The following FRMD4A variants were observed in gnomAD, a reference collection of about 807,000 sequenced individuals.
FRMD4A encodes the protein FERM domain-containing protein 4A.
Under a neutral mutation model 129.1 loss-of-function variants are expected in FRMD4A, and 29 were observed. The ratio of observed to expected loss-of-function variants is 0.22; its 90% CI spans 0.17 to 0.31. The LOEUF is 0.31. FRMD4A is among the 10% of genes least tolerant of loss of function. The pLI, the probability that FRMD4A is intolerant of heterozygous loss-of-function variation, is 1.00. For missense variants in FRMD4A, 1,272 were observed against 1,375.8 expected (o/e 0.92, Z 1.19); for synonymous variants, 634 against 571.6 (o/e 1.11, Z -1.56).
At chr10:13,973,061 A>T (rs2095526770) in intron 2 of FRMD4A, among the ~76,000 whole-genome samples, 1 of 152,232 alleles carries the variant, frequency 6.6e-6, no homozygotes, top group Non-Finnish European at 1.5e-5. Context: ...GGCCTCAGAC[A>T]AATTAATTAA....
intron 2 of FRMD4A, among the ~76,000 whole-genome samples, chr10:14,103,079 T>G (rs1340457269): frequency 2.0e-5 from 3 of 152,196 alleles, no homozygotes; most frequent in Non-Finnish European, 2.9e-5. Context: ...TCTACGTGGG[T>G]GTCGTTCCTA....
At chr10:14,197,249 G>A (rs2131933445) in intron 2 of FRMD4A, among the ~76,000 whole-genome samples, 1 of 152,256 alleles carries the variant, frequency 6.6e-6, no homozygotes, top group East Asian at 1.9e-4. Flanking sequence ...CCCATTTATT[G>A]TGTTATGACG....
At chr10:14,000,066 G>A (rs1454694578) in intron 2 of FRMD4A, among the ~76,000 whole-genome samples, 1 of 152,206 alleles carries the variant, frequency 6.6e-6, no homozygotes, top group South Asian at 2.1e-4. Flanking sequence ...TGAAGTATTA[G>A]TTATTGAGTG....
intron 2 of FRMD4A, among the ~76,000 whole-genome samples, chr10:14,135,807 G>A (rs1839503649): frequency 1.3e-5 from 2 of 152,084 alleles, no homozygotes; most frequent in African/African-American, 4.8e-5. Flanking sequence ...ATTTTATTTT[G>A]CGGGATCTAC....
intron 2 of FRMD4A, among the ~76,000 whole-genome samples, chr10:14,145,320 A>G (rs909373145): frequency 1.3e-5 from 2 of 152,198 alleles, no homozygotes; most frequent in African/African-American, 2.4e-5. Flanking sequence ...TCTCTTCTCC[A>G]TATCAAGATA....
At chr10:13,797,296 A>G (rs910915448) in intron 4 of FRMD4A, among the ~76,000 whole-genome samples, 3 of 152,220 alleles carry the variant, frequency 2.0e-5, no homozygotes, top group East Asian at 3.8e-4. Context: ...TCCTCACGAC[A>G]TCTTGCTGGA....
At chr10:13,657,545 G>A (rs764062166) in intron 21 of FRMD4A, 23 bp from the exon 22 acceptor site, 7 of 1,542,936 alleles carry the variant, frequency 4.5e-6, no homozygotes, top group Non-Finnish European at 6.1e-6. Context: ...GACCCGGGTT[G>A]GTCTGGGGGT....
At chr10:13,753,189 T>C (rs536529179) in intron 8 of FRMD4A, among the ~76,000 whole-genome samples, 5 of 152,372 alleles carry the variant, frequency 3.3e-5, no homozygotes, top group African/African-American at 1.2e-4. Flanking sequence ...AATTTCCCTT[T>C]CCTTTCTTCC....
In FRMD4A at chr10:14,241,683, TAAAAAAAAAAAAAAAAAAAAAA is replaced by T. The variant is rs71388168; in HGVS notation, c.45+88353_45+88374del. ...GGAGAGGGATTTGTTTTACCCTCCCTAAAAAAAAAAAAAAAAAAAAAAAAAAAAAAAAAAAAAAGAGCCAACT... is the reference window on the plus strand; with the variant it reads ...GGAGAGGGATTTGTTTTACCCTCCCTAAAAAAAAAAAAAAAAGAGCCAACT... On this transcript the variant is annotated intron_variant, in intron 2 of 24. Coordinates refer to ENST00000357447, the MANE Select transcript of FRMD4A (RefSeq NM_018027.5). Among the ~76,000 whole-genome samples, 13 of 23,402 alleles carry T rather than the reference TAAAAAAAAAAAAAAAAAAAAAA, an allele frequency of 5.6e-4. 2 individuals carry two copies. Among genetic ancestry groups the T allele is most frequent in the Admixed American group, 7.0e-4 (1 of 1,424 alleles). 15.4% of individuals were successfully genotyped at this position (23,402 alleles called of 152,430 possible). A position where few individuals can be genotyped will look rare whatever the true frequency, so the allele number is the denominator to read the frequency against.
chr10:14,159,853 C>G (rs1840791831), intron 2 of FRMD4A, among the ~76,000 whole-genome samples: 1 of 152,134 alleles, frequency 6.6e-6, no homozygotes, highest in Non-Finnish European at 1.5e-5. Context: ...ATTTTGAGAC[C>G]AGCCTGGGTA....
chr10:14,238,032 T>C (rs978884022), intron 2 of FRMD4A, among the ~76,000 whole-genome samples: 2 of 152,204 alleles, frequency 1.3e-5, no homozygotes, highest in African/African-American at 2.4e-5. Context: ...GTGTCTCTGT[T>C]GGGACAGGCA....
At chr10:14,102,313 T>C (rs1358384738) in intron 2 of FRMD4A, among the ~76,000 whole-genome samples, 4 of 152,152 alleles carry the variant, frequency 2.6e-5, no homozygotes, top group African/African-American at 7.2e-5. Flanking sequence ...GATTACTTGA[T>C]GACAGGGCTT....
intron 3 of FRMD4A, among the ~76,000 whole-genome samples, chr10:13,849,483 T>C (rs2094110158): frequency 2.8e-5 from 1 of 35,576 alleles, no homozygotes; most frequent in African/African-American, 1.5e-4. Context: ...ATCTCCTGCA[T>C]TTTTTTTTTT....
chr10:14,005,490 T>C (rs1394954664), intron 2 of FRMD4A, among the ~76,000 whole-genome samples: 2 of 152,196 alleles, frequency 1.3e-5, no homozygotes, highest in Non-Finnish European at 2.9e-5. Flanking sequence ...CCTCTAGCAG[T>C]TGGATACAGA....
At chr10:14,325,749 G>A (rs1190247960) in intron 2 of FRMD4A, among the ~76,000 whole-genome samples, 1 of 152,152 alleles carries the variant, frequency 6.6e-6, no homozygotes, top group African/African-American at 2.4e-5. Context: ...ATATTTGTTG[G>A]TTAGTTAAAA....
intron 2 of FRMD4A, among the ~76,000 whole-genome samples, chr10:13,981,647 G>A (rs1171169937): frequency 6.6e-6 from 1 of 150,684 alleles, no homozygotes; most frequent in Non-Finnish European, 1.5e-5. Flanking sequence ...GCTGAGGCAG[G>A]AGAATCGTTT....
intron 2 of FRMD4A, among the ~76,000 whole-genome samples, chr10:14,032,086 G>T (rs1227685760): frequency 6.6e-6 from 1 of 152,062 alleles, no homozygotes; most frequent in Non-Finnish European, 1.5e-5. Context: ...GGGACTTCAC[G>T]CATTCTACCA....
At chr10:13,775,480 A>G (rs1213278200) in intron 6 of FRMD4A, among the ~76,000 whole-genome samples, 4 of 152,204 alleles carry the variant, frequency 2.6e-5, no homozygotes, top group Non-Finnish European at 5.9e-5. Context: ...ATACAAAGCT[A>G]GAATAAAGAC....
intron 2 of FRMD4A, among the ~76,000 whole-genome samples, chr10:14,142,147 A>G (rs10796160): frequency 0.67 from 101,780 of 151,570 alleles, 34,811 homozygotes; most frequent in African/African-American, 0.8. Context: ...CTACAAACAA[A>G]AAAGTTTTTT....
Sources: gnomAD v4.1 joint callset for allele counts (sites outside exome capture counted in the v4.1 genomes callset) on GRCh38, gnomAD v4.1.1 for gene constraint, MANE v1.5 for transcripts, NCBI Gene and HGNC (gene_info 2026-07-23, HGNC 2026-07-21) for gene names.